The following TMEM178B variants were observed in gnomAD, a reference collection of about 807,000 sequenced individuals.
TMEM178B encodes transmembrane protein 178B.
In TMEM178B, 5 loss-of-function variants were observed where a neutral mutation model predicts 31.0. The observed-to-expected ratio is 0.16, with a 90% CI of 0.08 to 0.34. The LOEUF (loss-of-function observed/expected upper bound fraction) is 0.34, where lower values mean the gene tolerates loss of function less well. Ranked by LOEUF, TMEM178B falls within the 10% of genes least tolerant of loss-of-function variation. TMEM178B has a pLI of 1.00. For missense variants in TMEM178B, 275 were observed against 400.3 expected (o/e 0.69, Z 2.67); for synonymous variants, 164 against 164.0 (o/e 1.00, Z 0.00).
intron 2 of TMEM178B, among the ~76,000 whole-genome samples, chr7:141,402,449 A>G (rs968764247): frequency 1.3e-5 from 2 of 152,052 alleles, no homozygotes; most frequent in Non-Finnish European, 2.9e-5. Context: ...TTCACCTGCC[A>G]TGTGGGAGCT....
intron 2 of TMEM178B, among the ~76,000 whole-genome samples, chr7:141,292,395 C>G (rs1206606198): frequency 1.3e-5 from 2 of 152,166 alleles, no homozygotes; most frequent in Non-Finnish European, 2.9e-5. Context: ...TCTTGTCTAA[C>G]AAACCAGACG....
intron 1 of TMEM178B, among the ~76,000 whole-genome samples, chr7:141,210,399 G>T (rs1252283524): frequency 6.6e-6 from 1 of 152,122 alleles, no homozygotes; most frequent in Non-Finnish European, 1.5e-5. Context: ...GGAGGCGGAG[G>T]TTGTGGTGAG....
At chr7:141,170,981 G>A (rs1351761423) in intron 1 of TMEM178B, among the ~76,000 whole-genome samples, 1 of 150,760 alleles carries the variant, frequency 6.6e-6, no homozygotes, top group African/African-American at 2.4e-5. Context: ...GCCTTTGAAT[G>A]GTTATTACAG....
Position 141,185,600 on chromosome 7 carries a change from C to G in TMEM178B, c.383-26991C>G, listed in dbSNP as rs980920370. Reference sequence around the variant, plus strand: ...TATCTCCAGCTGCTTGTGTCTTCTTCCGCAGATACGTTCCTCTCGACGTCC... The same window carrying G: ...TATCTCCAGCTGCTTGTGTCTTCTTGCGCAGATACGTTCCTCTCGACGTCC... On this transcript the variant is annotated intron_variant, in intron 1 of 3. Transcript: ENST00000565468. Among the ~76,000 whole-genome samples, 18 of 152,130 alleles carry G rather than the reference C, an allele frequency of 1.2e-4. 1 individual carries two copies. Among genetic ancestry groups the G allele is most frequent in the African/African-American group, 4.3e-4 (18 of 41,438 alleles).
chr7:141,316,626 T>A (rs959466352), intron 2 of TMEM178B, among the ~76,000 whole-genome samples: 3 of 152,170 alleles, frequency 2.0e-5, no homozygotes, highest in African/African-American at 7.2e-5. Flanking sequence ...CACGTTTACC[T>A]CTGACATTTG....
In TMEM178B at chr7:141,338,078, G is replaced by C. The variant is rs138097977; in HGVS notation, c.497-99530G>C. On this transcript the variant is annotated intron_variant, in intron 2 of 3. Transcript: ENST00000565468. ...GGTCTCGATCTCCTGACCTCGTGAT[G>C]CACCCACCTCGGCCTCCCAAAGTGC... Among the ~76,000 whole-genome samples the C allele has an allele frequency of 9.2e-3, 1,396 of 152,180 alleles. 19 individuals are homozygous for C. The highest frequency in any genetic ancestry group is 0.029 in the African/African-American group (1,222 of 41,552).
At position 141,475,709 on chromosome 7, in the gene TMEM178B, C is replaced by T. The variant is rs1407314767; in HGVS notation, c.*4923C>T. The T allele has an allele frequency of 2.6e-5, 4 of 152,158 alleles. No homozygotes were observed. Among genetic ancestry groups the T allele is most frequent in the Non-Finnish European group, 5.9e-5 (4 of 68,050 alleles). 9.4% of individuals were successfully genotyped at this position (152,158 alleles called of 1,614,324 possible). A position where few individuals can be genotyped will look rare whatever the true frequency, so the allele number is the denominator to read the frequency against. On this transcript the variant is annotated 3_prime_UTR_variant, in exon 4 of 4. Transcript: ENST00000565468. ...AGAGGCCTAAAAGTTTAATGCCAGA[C>T]CTTAGGGGCAGGATGGAGCAGGGCT...
At chr7:141,336,891 C>T (rs1799402851) in intron 2 of TMEM178B, among the ~76,000 whole-genome samples, 4 of 85,786 alleles carry the variant, frequency 4.7e-5, no homozygotes, top group African/African-American at 1.5e-4. Context: ...ACCATCACCG[C>T]TACCACCACC....
intron 1 of TMEM178B, among the ~76,000 whole-genome samples, chr7:141,099,923 G>A (rs1286028747): frequency 6.7e-6 from 1 of 149,796 alleles, no homozygotes; most frequent in Non-Finnish European, 1.5e-5. Flanking sequence ...TCCGCATCCC[G>A]GGTTCACGCC....
chr7:141,465,937 C>T (rs909468885), intron 3 of TMEM178B, among the ~76,000 whole-genome samples: 10 of 152,108 alleles, frequency 6.6e-5, no homozygotes, highest in Admixed American at 1.3e-4. Flanking sequence ...GTGGGAAGAT[C>T]GCTTGAGCCC....
At chr7:141,134,627 C>T (rs767985909) in intron 1 of TMEM178B, among the ~76,000 whole-genome samples, 1 of 152,126 alleles carries the variant, frequency 6.6e-6, no homozygotes, top group African/African-American at 2.4e-5. Flanking sequence ...AAAGAATATA[C>T]AAAACAACCA....
At chr7:141,336,589 C>A (rs1429125159) in intron 2 of TMEM178B, among the ~76,000 whole-genome samples, 1 of 151,978 alleles carries the variant, frequency 6.6e-6, no homozygotes, top group Non-Finnish European at 1.5e-5. Flanking sequence ...CAAGGATTGG[C>A]TCAGTTAATC....
intron 2 of TMEM178B, among the ~76,000 whole-genome samples, chr7:141,316,517 C>G (rs1799007805): frequency 6.6e-6 from 1 of 152,074 alleles, no homozygotes; most frequent in Admixed American, 6.6e-5. Context: ...GTCTTTCAAA[C>G]TCTGGGACAG....
At chr7:141,450,676 A>C in intron 3 of TMEM178B, among the ~76,000 whole-genome samples, 1 of 152,136 alleles carries the variant, frequency 6.6e-6, no homozygotes, top group East Asian at 1.9e-4. Context: ...TTGACCTGAA[A>C]ACCCCCATAG....
At chr7:141,186,824 C>T (rs1231627930) in intron 1 of TMEM178B, among the ~76,000 whole-genome samples, 1 of 152,116 alleles carries the variant, frequency 6.6e-6, no homozygotes, top group Non-Finnish European at 1.5e-5. Context: ...GGCTGTTGGC[C>T]CTGCAGTGTC....
chr7:141,258,214 A>G (rs1797959072), intron 2 of TMEM178B, among the ~76,000 whole-genome samples: 1 of 151,338 alleles, frequency 6.6e-6, no homozygotes, highest in South Asian at 2.1e-4. Flanking sequence ...TTTCATCTTC[A>G]TATGTTATAA....
chr7:141,081,269 T>A (rs1202326535), intron 1 of TMEM178B, among the ~76,000 whole-genome samples: 1 of 152,092 alleles, frequency 6.6e-6, no homozygotes, highest in African/African-American at 2.4e-5. Context: ...TGTGTCTTAG[T>A]TTTTAACAAA....
intron 2 of TMEM178B, among the ~76,000 whole-genome samples, chr7:141,395,046 C>T (rs916623621): frequency 6.6e-6 from 1 of 152,178 alleles, no homozygotes; most frequent in Admixed American, 6.5e-5. Context: ...CAATGTGACC[C>T]TCTCACTCCT....
intron 2 of TMEM178B, among the ~76,000 whole-genome samples, chr7:141,386,512 T>C (rs772885543): frequency 1.3e-5 from 2 of 152,236 alleles, no homozygotes; most frequent in Non-Finnish European, 2.9e-5. Context: ...CACATATTTA[T>C]GGGGTACAAT....
Sources: allele counts gnomAD v4.1 joint callset (sites outside exome capture counted in the v4.1 genomes callset), GRCh38; gene constraint gnomAD v4.1.1; transcripts MANE v1.5; gene names NCBI Gene and HGNC (gene_info 2026-07-23, HGNC 2026-07-21).